The following STYXL1 variants were observed in gnomAD, a reference collection of about 807,000 sequenced individuals.
STYXL1 encodes serine/threonine/tyrosine-interacting-like protein 1.
Under a neutral mutation model 36.4 loss-of-function variants are expected in STYXL1, and 32 were observed. The ratio of observed to expected loss-of-function variants is 0.88; its 90% CI spans 0.66 to 1.18. STYXL1 has a LOEUF of 1.18. Among genes scored for constraint, STYXL1 ranks in the 50% most tolerant of loss-of-function variants. The probability of loss-of-function intolerance (pLI) is 0.00; values close to 1 mark genes in which losing one functional copy is unlikely to be tolerated. For synonymous variants in STYXL1, 133 were observed against 144.1 expected, an observed-to-expected ratio of 0.92 and a Z score of 0.55; for missense variants, 354 against 394.1, an observed-to-expected ratio of 0.90 and a Z score of 0.86.
intron 3 of STYXL1, among the ~76,000 whole-genome samples, chr7:76,022,704 A>T (rs1054515966): frequency 6.6e-6 from 1 of 152,024 alleles, no homozygotes; most frequent in Non-Finnish European, 1.5e-5. Context: ...CCAAAAAAGG[A>T]CAGTAAGTAG....
At chr7:76,031,358 A>AAAG (rs1795317843) in intron 1 of STYXL1, among the ~76,000 whole-genome samples, 2 of 131,590 alleles carry the variant, frequency 1.5e-5, no homozygotes, top group African/African-American at 5.5e-5. Flanking sequence ...AAAAAAAAAA[A>AAAG]GTAATATATT....
chr7:76,001,304 C>T (rs1047842778), intron 7 of STYXL1, among the ~76,000 whole-genome samples: 3 of 152,214 alleles, frequency 2.0e-5, no homozygotes, highest in Non-Finnish European at 2.9e-5. Context: ...ACTGGCCTCC[C>T]AGTATGGGGC....
At position 76,047,778 on chromosome 7, in the gene STYXL1, G is replaced by A. The variant is rs559583741; in HGVS notation, c.-121C>T. ...CTCCCCGGCTGCGCGACTATGGCCAGGCTCCCTGTCGGAGCCTCTGCCTGG... is the reference window on the plus strand; with the variant it reads ...CTCCCCGGCTGCGCGACTATGGCCAAGCTCCCTGTCGGAGCCTCTGCCTGG... On this transcript the variant is annotated 5_prime_UTR_variant, in exon 1 of 9. Coordinates refer to ENST00000359697, the MANE Select transcript of STYXL1 (RefSeq NM_001317785.2). The A allele has an allele frequency of 3.4e-5, 16 of 472,456 alleles. No individual in the cohort carries two copies. The African/African-American group carries it at 3.4e-4, about 10-fold the overall frequency. The allele number at this position is 472,456 out of a possible 1,614,324, so 29.3% of individuals were successfully genotyped here. A position where few individuals can be genotyped will look rare whatever the true frequency, so the allele number is the denominator to read the frequency against.
At chr7:76,006,019 A>G (rs1554570222) in intron 5 of STYXL1, among the ~76,000 whole-genome samples, 3 of 152,008 alleles carry the variant, frequency 2.0e-5, no homozygotes, top group African/African-American at 7.3e-5. Flanking sequence ...GGCTGCCCAA[A>G]GTGCTAGGAT....
In STYXL1 at chr7:76,039,655, C is replaced by T. The variant is rs377324213; in HGVS notation, c.-5+8007G>A. Among the ~76,000 whole-genome samples, 9 of 152,084 alleles carry T rather than the reference C, an allele frequency of 5.9e-5. No individual in the cohort carries two copies. In the East Asian group the frequency reaches 1.2e-3, roughly 20 times the overall value. On this transcript the variant is annotated intron_variant, in intron 1 of 8. Coordinates refer to ENST00000359697, the MANE Select transcript of STYXL1 (RefSeq NM_001317785.2). ...TGATCATCACTAGTATCTACTATCA[C>T]CTTTTTTTCTTTTTGTGACAGTGTC...
chr7:76,035,056 C>T lies in STYXL1; in HGVS notation c.-4-4529G>A, dbSNP rs563820737. Among the ~76,000 whole-genome samples, 72 of 131,948 alleles carry T rather than the reference C, an allele frequency of 5.5e-4. 5 individuals are homozygous for T. The highest frequency in any genetic ancestry group is 1.4e-3 in the South Asian group (5 of 3,658). 86.6% of individuals were successfully genotyped at this position (131,948 alleles called of 152,430 possible). Reference sequence around the variant, plus strand: ...GCTCCTCATTTAGCCTTCTCAGTCTCAATCAACAGCACCATGATCCACCCA... The same window carrying T: ...GCTCCTCATTTAGCCTTCTCAGTCTTAATCAACAGCACCATGATCCACCCA... On this transcript the variant is annotated intron_variant, in intron 1 of 8. Coordinates refer to ENST00000359697, the MANE Select transcript of STYXL1 (RefSeq NM_001317785.2).
rs184078625 is a variant in STYXL1 at position 76,002,662 on chromosome 7, G to A, written c.697+1096C>T. ...GTTGGGGCTGGGTGTGGTGGCTCAC[G>A]CCTGTAATCCCAGTACTTTGGGAGG... On this transcript the variant is annotated intron_variant, in intron 7 of 8. Coordinates refer to ENST00000359697, the MANE Select transcript of STYXL1 (RefSeq NM_001317785.2). Among the ~76,000 whole-genome samples the A allele has an allele frequency of 5.9e-5, 9 of 152,278 alleles. No individual in the cohort carries two copies. In the South Asian group the frequency reaches 8.3e-4, roughly 14 times the overall value.
chr7:76,047,198 T>C (rs185650875), intron 1 of STYXL1, among the ~76,000 whole-genome samples: 22 of 152,020 alleles, frequency 1.4e-4, no homozygotes, highest in African/African-American at 4.8e-4. Flanking sequence ...CAGGCAGAGG[T>C]TGCAGTGAGC....
In STYXL1 at chr7:76,003,701, G is replaced by A; in HGVS notation, c.697+57C>T. ...ATAAGCCTGTGAAGGAGGCTCCACTGCCCCTCTGCTTCCCAGACACAGGCC... is the reference window on the plus strand; with the variant it reads ...ATAAGCCTGTGAAGGAGGCTCCACTACCCCTCTGCTTCCCAGACACAGGCC... On this transcript the variant is annotated intron_variant, in intron 7 of 8. Transcript: ENST00000359697. The A allele has an allele frequency of 3.3e-6, 5 of 1,502,174 alleles. 1 individual carries two copies. The South Asian group carries it at 5.6e-5, about 17-fold the overall frequency. 93.1% of individuals were successfully genotyped at this position (1,502,174 alleles called of 1,614,324 possible). A position where few individuals can be genotyped will look rare whatever the true frequency, so the allele number is the denominator to read the frequency against.
intron 4 of STYXL1, among the ~76,000 whole-genome samples, chr7:76,014,687 ATGATG>A (rs1793044903): frequency 6.6e-6 from 1 of 151,938 alleles, no homozygotes; most frequent in African/African-American, 2.4e-5. Context: ...TATGTATTGT[ATGATG>A]TCATACAATA....
intron 4 of STYXL1, among the ~76,000 whole-genome samples, chr7:76,018,538 A>G (rs1431380212): frequency 2.0e-5 from 3 of 152,000 alleles, no homozygotes; most frequent in Non-Finnish European, 2.9e-5. Flanking sequence ...TTACAGGCAC[A>G]TGCCACCACG....
intron 2 of STYXL1, among the ~76,000 whole-genome samples, 179 bp downstream of exon 2, chr7:76,030,242 G>C (rs1339690104): frequency 6.6e-6 from 1 of 151,940 alleles, no homozygotes; most frequent in Non-Finnish European, 1.5e-5. Flanking sequence ...CAAGTGATTC[G>C]CCCACCTTGG....
At chr7:76,046,028 A>G (rs1383564326) in intron 1 of STYXL1, 1 of 152,122 alleles carries the variant, frequency 6.6e-6, no homozygotes, top group East Asian at 1.9e-4. Flanking sequence ...TAATGTCCCC[A>G]CTCCAAAATA....
In STYXL1 at chr7:76,003,786, G is replaced by T. The variant is rs375367776; in HGVS notation, c.669C>A (p.Pro223=). 4 of 1,614,108 alleles carry T rather than the reference G, an allele frequency of 2.5e-6. No homozygotes were observed. In the African/African-American group the frequency reaches 5.3e-5, roughly 22 times the overall value. Residue 223 remains proline (P), a synonymous_variant, in exon 7 of 9, where the codon CCC becomes CCA. Transcript: ENST00000359697. ...IEDSPEAQIL[P]FLRHMCHFIE... is the part of the protein sequence containing the mutation. The stretch of plus-strand genomic sequence containing the variant: ...TGAAGTGACACATGTGGCGTAAGAA[G>T]GGAAGAATCTGGGCTTCCGGGGAAT...
chr7:76,025,936 T>C (rs1794652179), intron 3 of STYXL1, among the ~76,000 whole-genome samples: 1 of 151,772 alleles, frequency 6.6e-6, no homozygotes, highest in Admixed American at 6.6e-5. Flanking sequence ...CTCACGCCTG[T>C]AATTCCAGCA....
At chr7:76,038,647 C>T (rs1468192508) in intron 1 of STYXL1, among the ~76,000 whole-genome samples, 1 of 151,702 alleles carries the variant, frequency 6.6e-6, no homozygotes, top group Non-Finnish European at 1.5e-5. Flanking sequence ...AGGATGGTCT[C>T]GATCTCCTGA....
chr7:76,023,477 C>T (rs782233407), intron 3 of STYXL1, among the ~76,000 whole-genome samples: 1 of 152,126 alleles, frequency 6.6e-6, no homozygotes, highest in African/African-American at 2.4e-5. Flanking sequence ...GATCTTCGCA[C>T]TTCAGCCTCC....
At chr7:76,013,415 TTTTG>T (rs1388130930) in intron 5 of STYXL1, among the ~76,000 whole-genome samples, 1 of 151,472 alleles carries the variant, frequency 6.6e-6, no homozygotes, top group Non-Finnish European at 1.5e-5. Context: ...CTAGTTTTTT[TTTTG>T]TTTGTTTTTG....
intron 7 of STYXL1, among the ~76,000 whole-genome samples, chr7:76,002,313 GGA>G (rs1365244793): frequency 1.3e-5 from 2 of 152,170 alleles, no homozygotes; most frequent in Non-Finnish European, 2.9e-5. Context: ...TCCTGCCCAG[GGA>G]GAGGAAATCT....
Sources: gnomAD v4.1 joint callset for allele counts (sites outside exome capture counted in the v4.1 genomes callset) on GRCh38, gnomAD v4.1.1 for gene constraint, MANE v1.5 for transcripts, NCBI Gene and HGNC (gene_info 2026-07-23, HGNC 2026-07-21) for gene names.